The following HCRTR2 variants were observed in gnomAD, a reference collection of about 807,000 sequenced individuals.
HCRTR2 encodes hypocretin receptor 2.
HCRTR2 carries 22 observed loss-of-function variants against 49.0 expected under a neutral mutation model. The ratio of observed to expected loss-of-function variants is 0.45; its 90% CI spans 0.32 to 0.64. HCRTR2 has a LOEUF of 0.64. HCRTR2 is among the 30% of genes least tolerant of loss of function. The pLI is 0.04. For synonymous variants in HCRTR2, 236 were observed against 205.3 expected (o/e 1.15, Z -1.28); for missense variants, 491 against 559.4 (o/e 0.88, Z 1.23).
Position 55,255,226 on chromosome 6 carries a change from A to G in HCRTR2, c.493A>G (p.Thr165Ala), listed in dbSNP as rs1479370095. The G allele has an allele frequency of 6.2e-7, 1 of 1,614,002 alleles. No individual in the cohort carries two copies. The highest frequency in any genetic ancestry group is 8.5e-7 in the Non-Finnish European group (1 of 1,179,974). The change falls in exon 3 of 7, where the codon ACA becomes GCA. Residue 165 changes from threonine to alanine, a missense_variant. Transcript: ENST00000370862. ...CTGTCACCCTTTGATGTTTAAGAGC[A>G]CAGCAAAGCGGGCCCGTAACAGCAT... is the stretch of plus-strand genomic sequence containing the variant. Reference protein sequence around the residue: ...AICHPLMFKSTAKRARNSIVI... With the variant: ...AICHPLMFKSAAKRARNSIVI...
At chr6:55,251,053 G>A (rs1766540628) in intron 2 of HCRTR2, among the ~76,000 whole-genome samples, 1 of 152,124 alleles carries the variant, frequency 6.6e-6, no homozygotes, top group African/African-American at 2.4e-5. Context: ...AATGAACAGT[G>A]CCAATGGGCA....
intron 1 of HCRTR2, among the ~76,000 whole-genome samples, chr6:55,179,830 T>A (rs9475191): frequency 0.012 from 1,827 of 152,294 alleles, 38 homozygotes; most frequent in African/African-American, 0.042. Flanking sequence ...AAAATTTTCA[T>A]GTACTGCAGC....
chr6:55,154,107 A>G (rs997054112), intron 1 of HCRTR2, among the ~76,000 whole-genome samples: 3 of 151,916 alleles, frequency 2.0e-5, no homozygotes, highest in Non-Finnish European at 4.4e-5. Context: ...CATACCAGTA[A>G]CAACCAAGGA....
In HCRTR2 at chr6:55,268,379, A is replaced by G. The variant is rs566646629; in HGVS notation, c.762+4557A>G. On this transcript the variant is annotated intron_variant, in intron 4 of 6. Coordinates refer to ENST00000370862, the MANE Select transcript of HCRTR2 (RefSeq NM_001384272.1). ...ATAATTAGATTAAATGTAAATGGATACAATACTTCAATCAAAGGGCATAGA... is the reference window on the plus strand; with the variant it reads ...ATAATTAGATTAAATGTAAATGGATGCAATACTTCAATCAAAGGGCATAGA... Among the ~76,000 whole-genome samples, 19 of 152,240 alleles carry G rather than the reference A, an allele frequency of 1.2e-4. No homozygotes were observed. In the South Asian group the frequency reaches 1.7e-3, roughly 13 times the overall value.
Position 55,115,858 on chromosome 6 carries a change from T to A in HCRTR2, c.-378+9313T>A, listed in dbSNP as rs549367092. Among the ~76,000 whole-genome samples the A allele has an allele frequency of 6.3e-3, 956 of 151,612 alleles. 4 individuals carry two copies. Among genetic ancestry groups the A allele is most frequent in the South Asian group, 0.018 (88 of 4,818 alleles). ...AAGTTAAAATTTAAATATATATATA[T>A]ATTTGTATTTTTCAATTACTACATC... On this transcript the variant is annotated intron_variant, in intron 1 of 7. Coordinates refer to the HCRTR2 transcript ENST00000615358.
At chr6:55,175,706 G>C (rs1398503960) in intron 1 of HCRTR2, among the ~76,000 whole-genome samples, 10 of 152,094 alleles carry the variant, frequency 6.6e-5, no homozygotes, top group Non-Finnish European at 1.5e-4. Context: ...CAATTTCTGA[G>C]GGTTGGGGAG....
At chr6:55,284,500 T>C (rs1767250105), downstream of HCRTR2, among the ~76,000 whole-genome samples, 5 of 152,156 alleles carry the variant, frequency 3.3e-5, no homozygotes, top group Admixed American at 3.3e-4. Context: ...TGAGATCCAC[T>C]GCTTTAAGTG....
chr6:55,110,984 G>C (rs1228803796), intron 1 of HCRTR2, among the ~76,000 whole-genome samples: 2 of 152,014 alleles, frequency 1.3e-5, no homozygotes, highest in Non-Finnish European at 2.9e-5. Flanking sequence ...CACTAAACAA[G>C]TTTCAACAAA....
At chr6:55,247,653 A>G (rs1766472159) in intron 1 of HCRTR2, among the ~76,000 whole-genome samples, 1 of 152,118 alleles carries the variant, frequency 6.6e-6, no homozygotes, top group South Asian at 2.1e-4. Flanking sequence ...GTGATTATGT[A>G]ACTTTTATAT....
At chr6:55,279,543 A>ACACACACACACACACACC in intron 5 of HCRTR2, among the ~76,000 whole-genome samples, 1 of 151,512 alleles carries the variant, frequency 6.6e-6, no homozygotes, top group Admixed American at 6.6e-5. Flanking sequence ...ACACACACAC[A>ACACACACACACACACACC]CACACACACA....
intron 4 of HCRTR2, among the ~76,000 whole-genome samples, chr6:55,272,141 A>C (rs533680720): frequency 6.6e-6 from 1 of 152,276 alleles, no homozygotes; most frequent in East Asian, 1.9e-4. Context: ...GGAATAACTC[A>C]TTGTTCTATA....
chr6:55,261,725 T>G (rs910019143), intron 3 of HCRTR2, among the ~76,000 whole-genome samples: 4 of 152,148 alleles, frequency 2.6e-5, no homozygotes, highest in Admixed American at 6.6e-5. Context: ...TGGAGATTCC[T>G]TAAAGAACTA....
intron 2 of HCRTR2, among the ~76,000 whole-genome samples, chr6:55,249,103 T>C (rs1469978994): frequency 6.6e-6 from 1 of 152,088 alleles, no homozygotes; most frequent in African/African-American, 2.4e-5. Context: ...ACTTTTTTTA[T>C]TCCAAATTTG....
intron 4 of HCRTR2, among the ~76,000 whole-genome samples, chr6:55,273,079 G>T (rs942342643): frequency 1.3e-5 from 2 of 151,966 alleles, no homozygotes; most frequent in African/African-American, 4.8e-5. Flanking sequence ...TAAGAATTTA[G>T]CATGCAAATC....
intron 3 of HCRTR2, among the ~76,000 whole-genome samples, chr6:55,262,533 A>G (rs1442034759): frequency 7.6e-6 from 1 of 131,458 alleles, no homozygotes; most frequent in Non-Finnish European, 1.6e-5. Context: ...TATATAATAT[A>G]TATAATATAA....
chr6:55,151,577 A>T (rs1429508486), intron 1 of HCRTR2, among the ~76,000 whole-genome samples: 1 of 151,942 alleles, frequency 6.6e-6, no homozygotes, highest in Non-Finnish European at 1.5e-5. Flanking sequence ...CTTCCACTGA[A>T]ACCTTGAGCT....
intron 1 of HCRTR2, among the ~76,000 whole-genome samples, chr6:55,191,211 A>C (rs1325754454): frequency 6.6e-6 from 1 of 152,232 alleles, no homozygotes; most frequent in South Asian, 2.1e-4. Context: ...TAGTGCGTAC[A>C]TTGGTGTAAT....
chr6:55,156,713 G>A (rs567443750), intron 1 of HCRTR2, among the ~76,000 whole-genome samples: 7 of 151,896 alleles, frequency 4.6e-5, no homozygotes, highest in Admixed American at 6.6e-5. Context: ...TGGACAAATG[G>A]GGTTTATTCC....
At chr6:55,109,465 T>G (rs1396302081) in intron 1 of HCRTR2, among the ~76,000 whole-genome samples, 3 of 148,190 alleles carry the variant, frequency 2.0e-5, no homozygotes, top group African/African-American at 7.4e-5. Context: ...TTAAAGAAAT[T>G]AAAAAAAAAA....
Sources: allele counts gnomAD v4.1 joint callset (sites outside exome capture counted in the v4.1 genomes callset), GRCh38; gene constraint gnomAD v4.1.1; transcripts MANE v1.5; gene names NCBI Gene and HGNC (gene_info 2026-07-23, HGNC 2026-07-21).